The following SDK1 variants were observed in gnomAD, a reference collection of about 807,000 sequenced individuals.
The protein encoded by SDK1 is protein sidekick-1.
SDK1 carries 157 observed loss-of-function variants against 245.5 expected under a neutral mutation model. The ratio of observed to expected loss-of-function variants is 0.64; its 90% CI spans 0.56 to 0.73. The LOEUF (loss-of-function observed/expected upper bound fraction) is 0.73, where lower values mean the gene tolerates loss of function less well. Ranked by LOEUF, SDK1 falls within the 30% of genes least tolerant of loss-of-function variation. The pLI is 0.00. For missense variants in SDK1, 3,583 were observed against 3,002.3 expected (o/e 1.19, Z -4.52); for synonymous variants, 1,647 against 1,278.5 (o/e 1.29, Z -6.15).
rs1202453857 is a variant in SDK1 at position 4,194,352 on chromosome 7, ATGTATGCACGTATG to A, written c.5099-11521_5099-11508del. Among the ~76,000 whole-genome samples the A allele has an allele frequency of 2.4e-5, 3 of 123,392 alleles. 1 individual carries two copies. Among genetic ancestry groups the A allele is most frequent in the South Asian group, 5.7e-4 (2 of 3,502 alleles). The allele number at this position is 123,392 out of a possible 152,430, so 80.9% of individuals were successfully genotyped here. A position where few individuals can be genotyped will look rare whatever the true frequency, so the allele number is the denominator to read the frequency against. On this transcript the variant is annotated intron_variant, in intron 35 of 44. Transcript: ENST00000404826. ...CGTATGTGTATACATGTATAGATAT[ATGTATGCACGTATG>A]TGTATACATGTATGTGTATACATGT...
intron 5 of SDK1, among the ~76,000 whole-genome samples, chr7:3,919,745 G>C (rs537015960): frequency 3.3e-5 from 5 of 152,160 alleles, no homozygotes; most frequent in Non-Finnish European, 7.3e-5. Context: ...GTATGGTTTT[G>C]TTGGGAACTG....
At chr7:4,012,421 G>A (rs997119547) in intron 16 of SDK1, among the ~76,000 whole-genome samples, 186 bp downstream of exon 16, 25 of 152,016 alleles carry the variant, frequency 1.6e-4, no homozygotes, top group Non-Finnish European at 3.7e-4. Context: ...GTGGGCAGCC[G>A]TGCAGAGACA....
intron 40 of SDK1, among the ~76,000 whole-genome samples, chr7:4,230,039 A>AGAAGGAAGGAAGGAAGGAAG (rs55723679): frequency 0.013 from 847 of 66,614 alleles, 4 homozygotes; most frequent in African/African-American, 0.024. Context: ...AGGGGGACCC[A>AGAAGGAAGGAAGGAAGGAAG]GAAGGAAGGA....
At chr7:3,672,735 T>C (rs1360791586) in intron 4 of SDK1, among the ~76,000 whole-genome samples, 1 of 103,806 alleles carries the variant, frequency 9.6e-6, no homozygotes, top group Non-Finnish European at 1.9e-5. Context: ...AAAAATGTAA[T>C]ATATATTTTT....
At chr7:4,100,451 C>T (rs560518329) in intron 22 of SDK1, among the ~76,000 whole-genome samples, 4 of 152,256 alleles carry the variant, frequency 2.6e-5, no homozygotes, top group South Asian at 2.1e-4. Context: ...AGGCACCAGG[C>T]GCTGTGGACT....
At chr7:3,435,074 C>G (rs1226301572) in intron 1 of SDK1, among the ~76,000 whole-genome samples, 2 of 152,032 alleles carry the variant, frequency 1.3e-5, no homozygotes, top group African/African-American at 4.8e-5. Flanking sequence ...AATTCTTTTT[C>G]TGATTAGTTC....
chr7:3,971,400 C>A, intron 11 of SDK1, 66 bp from the exon 12 acceptor site: 1 of 1,066,990 alleles, frequency 9.4e-7, no homozygotes, highest in Non-Finnish European at 1.4e-6. Context: ...AGGGCATTAT[C>A]CCCCCTGAGG....
At chr7:4,131,988 T>C (rs1278678792) in intron 27 of SDK1, among the ~76,000 whole-genome samples, 1 of 152,164 alleles carries the variant, frequency 6.6e-6, no homozygotes, top group East Asian at 1.9e-4. Flanking sequence ...CAACCTGATG[T>C]TTGCTCTCAG....
chr7:3,356,046 G>T (rs765030903), intron 1 of SDK1, among the ~76,000 whole-genome samples: 1 of 152,202 alleles, frequency 6.6e-6, no homozygotes, highest in South Asian at 2.1e-4. Flanking sequence ...GTTGCTGACA[G>T]ATAACACGGT....
chr7:3,866,159 A>G (rs963541444), intron 5 of SDK1, among the ~76,000 whole-genome samples: 1 of 152,214 alleles, frequency 6.6e-6, no homozygotes, highest in South Asian at 2.1e-4. Context: ...GAATTCTCTC[A>G]TTCACAACCA....
chr7:4,066,667 C>T (rs1373462152), intron 19 of SDK1, among the ~76,000 whole-genome samples: 2 of 152,210 alleles, frequency 1.3e-5, no homozygotes, highest in Non-Finnish European at 1.5e-5. Flanking sequence ...TGGGCTGGCC[C>T]TGATGGGACC....
intron 17 of SDK1, among the ~76,000 whole-genome samples, chr7:4,047,110 T>C (rs1399213815): frequency 6.6e-6 from 1 of 152,244 alleles, no homozygotes; most frequent in Non-Finnish European, 1.5e-5. Flanking sequence ...ATATTAGCTG[T>C]AGGCGTTTTA....
chr7:4,031,011 A>T (rs1021771423), intron 17 of SDK1, among the ~76,000 whole-genome samples: 7 of 152,148 alleles, frequency 4.6e-5, no homozygotes, highest in African/African-American at 1.7e-4. Context: ...CCATACATAC[A>T]CATTCACATA....
chr7:3,568,076 C>A (rs921921109), intron 1 of SDK1, among the ~76,000 whole-genome samples: 1 of 152,200 alleles, frequency 6.6e-6, no homozygotes, highest in East Asian at 1.9e-4. Flanking sequence ...CCACCTTAGC[C>A]TCACAAAGTG....
At position 4,217,651 on chromosome 7, in the gene SDK1, C is replaced by T. The variant is rs558721380; in HGVS notation, c.5540-2458C>T. Among the ~76,000 whole-genome samples, 6 of 152,318 alleles carry T rather than the reference C, an allele frequency of 3.9e-5. No homozygotes were observed. In the South Asian group the frequency reaches 8.3e-4, roughly 21 times the overall value. On this transcript the variant is annotated intron_variant, in intron 38 of 44. Coordinates refer to ENST00000404826, the MANE Select transcript of SDK1 (RefSeq NM_152744.4). ...GCACCAGGCCACCTGGAGCACCAGGCCACTTGAGCACTCAGCCATGTGCTT... is the reference window on the plus strand; with the variant it reads ...GCACCAGGCCACCTGGAGCACCAGGTCACTTGAGCACTCAGCCATGTGCTT...
intron 1 of SDK1, among the ~76,000 whole-genome samples, chr7:3,571,465 G>A: frequency 6.6e-6 from 1 of 151,856 alleles, no homozygotes; most frequent in East Asian, 1.9e-4. Context: ...ACCATGCCCA[G>A]CTAATTTAAA....
At chr7:4,029,962 G>A (rs1037682917) in intron 17 of SDK1, among the ~76,000 whole-genome samples, 1 of 152,222 alleles carries the variant, frequency 6.6e-6, no homozygotes, top group Non-Finnish European at 1.5e-5. Flanking sequence ...ATGGGGAGAC[G>A]TGACTTGTCA....
intron 1 of SDK1, among the ~76,000 whole-genome samples, chr7:3,526,134 GA>G (rs1783121942): frequency 2.0e-5 from 3 of 152,012 alleles, no homozygotes; most frequent in African/African-American, 7.3e-5. Context: ...TTCAGGAGCT[GA>G]GGCAGGAGAA....
intron 1 of SDK1, among the ~76,000 whole-genome samples, chr7:3,478,813 T>C (rs926023721): frequency 1.3e-5 from 2 of 152,202 alleles, no homozygotes; most frequent in African/African-American, 4.8e-5. Flanking sequence ...CTATATTCTT[T>C]TATCATTTGA....
Sources: gnomAD v4.1 joint callset for allele counts (sites outside exome capture counted in the v4.1 genomes callset) on GRCh38, gnomAD v4.1.1 for gene constraint, MANE v1.5 for transcripts, NCBI Gene and HGNC (gene_info 2026-07-23, HGNC 2026-07-21) for gene names.